RYR2: variants seen among roughly 807,000 people sequenced by gnomAD.
The protein encoded by RYR2 is cardiac muscle ryanodine receptor-calcium release channel.
In RYR2, 227 loss-of-function variants were observed where a neutral mutation model predicts 601.1. The observed-to-expected ratio is 0.38, with a 90% CI of 0.34 to 0.42. RYR2 has a LOEUF of 0.42. Among genes scored for constraint, RYR2 ranks in the 10% least tolerant of loss-of-function variants. The probability of loss-of-function intolerance (pLI) is 1.00; values close to 1 mark genes in which losing one functional copy is unlikely to be tolerated. For missense variants in RYR2, 4,646 were observed against 6,156.5 expected (o/e 0.75, Z 8.21); for synonymous variants, 2,223 against 2,175.1 (o/e 1.02, Z -0.61).
intron 14 of RYR2, among the ~76,000 whole-genome samples, chr1:237,452,083 GTGTGTGTGTGTGTGTGTGTGTGTA>G (rs1658223718): frequency 9.6e-6 from 1 of 104,212 alleles, no homozygotes; most frequent in African/African-American, 2.9e-5. Flanking sequence ...AATTTTGTGT[GTGTGTGTGTGTGTGTGTGTGTGTA>G]TGTGTGTGTA....
At chr1:237,783,191 A>ATGGG in intron 89 of RYR2, among the ~76,000 whole-genome samples, 1 of 151,102 alleles carries the variant, frequency 6.6e-6, no homozygotes, top group African/African-American at 2.4e-5. Context: ...TTAAGTCACA[A>ATGGG]TGGGCCCATT....
intron 1 of RYR2, among the ~76,000 whole-genome samples, chr1:237,102,504 A>G (rs1668226506): frequency 6.6e-6 from 1 of 152,182 alleles, no homozygotes; most frequent in South Asian, 2.1e-4. Flanking sequence ...TCAGGAAATA[A>G]ACACTCAGAT....
chr1:237,369,506 G>T, intron 5 of RYR2, 28 bp from the exon 6 acceptor site: 1 of 1,541,814 alleles, frequency 6.5e-7, no homozygotes, highest in Non-Finnish European at 8.8e-7. Context: ...TTTCTCTCTT[G>T]TTCTCCTTTT....
intron 101 of RYR2, among the ~76,000 whole-genome samples, chr1:237,823,430 T>C (rs7520327): frequency 0.26 from 39,737 of 151,844 alleles, 5,606 homozygotes; most frequent in East Asian, 0.6. Flanking sequence ...TGAATGACTA[T>C]TGGGTAAGTA....
At chr1:237,401,643 C>G (rs1306959882) in intron 10 of RYR2, among the ~76,000 whole-genome samples, 1 of 152,186 alleles carries the variant, frequency 6.6e-6, no homozygotes, top group Non-Finnish European at 1.5e-5. Flanking sequence ...AGGATGCTTC[C>G]TTGAGCTTCA....
chr1:237,305,926 A>T (rs1432330132), intron 2 of RYR2, among the ~76,000 whole-genome samples: 2 of 152,208 alleles, frequency 1.3e-5, no homozygotes, highest in African/African-American at 4.8e-5. Context: ...ATATTTTGGA[A>T]TATATGATAC....
At chr1:237,330,821 G>T in intron 2 of RYR2, 57 bp from the exon 3 acceptor site, 1 of 1,343,120 alleles carries the variant, frequency 7.4e-7, no homozygotes, top group Non-Finnish European at 1.1e-6. Flanking sequence ...AAGGTAAGCT[G>T]GGTCTGGATG....
chr1:237,126,367 C>A (rs1254064369), intron 1 of RYR2, among the ~76,000 whole-genome samples: 2 of 152,168 alleles, frequency 1.3e-5, no homozygotes, highest in African/African-American at 4.8e-5. Context: ...GGAGGTCATG[C>A]CAAACCTACC....
chr1:237,606,048 A>C (rs1197221357), intron 35 of RYR2, among the ~76,000 whole-genome samples: 1 of 151,382 alleles, frequency 6.6e-6, no homozygotes, highest in Non-Finnish European at 1.5e-5. Flanking sequence ...GACTTTCTTC[A>C]CAGAATTGGA....
At chr1:237,617,588 G>C in intron 38 of RYR2, 102 bp downstream of exon 38, 1 of 1,126,344 alleles carries the variant, frequency 8.9e-7, no homozygotes, top group South Asian at 1.6e-5. Context: ...TGTTTTCCTT[G>C]TTCTGTTTAA....
intron 25 of RYR2, among the ~76,000 whole-genome samples, chr1:237,547,659 G>T (rs1168818379): frequency 6.6e-6 from 1 of 152,170 alleles, no homozygotes; most frequent in Non-Finnish European, 1.5e-5. Flanking sequence ...TGTCTGTGTG[G>T]AGCAGGGCAG....
At chr1:237,592,758 C>T (rs576687376) in intron 32 of RYR2, among the ~76,000 whole-genome samples, 11 of 151,702 alleles carry the variant, frequency 7.3e-5, no homozygotes, top group Admixed American at 1.3e-4. Flanking sequence ...CGGTGACTCG[C>T]GCCTGTAATC....
intron 27 of RYR2, among the ~76,000 whole-genome samples, chr1:237,564,636 C>T (rs1232254370): frequency 2.6e-5 from 4 of 152,100 alleles, no homozygotes; most frequent in African/African-American, 7.2e-5. Flanking sequence ...ATTTTTTTCT[C>T]TCAAAACAAC....
intron 6 of RYR2, among the ~76,000 whole-genome samples, chr1:237,374,237 G>A (rs1700853762): frequency 6.6e-6 from 1 of 151,978 alleles, no homozygotes; most frequent in African/African-American, 2.4e-5. Flanking sequence ...AAACCTTAAC[G>A]ATGGCTGGTC....
chr1:237,568,211 G>A (rs183219925), intron 28 of RYR2, among the ~76,000 whole-genome samples: 3 of 152,190 alleles, frequency 2.0e-5, no homozygotes, highest in Admixed American at 2.0e-4. Context: ...CAGGTAAGTC[G>A]GTTGGGCATT....
At chr1:237,821,526 A>C (rs116770263) in intron 101 of RYR2, among the ~76,000 whole-genome samples, 1 of 152,154 alleles carries the variant, frequency 6.6e-6, no homozygotes, top group African/African-American at 2.4e-5. Flanking sequence ...AAGGTCACCA[A>C]TATCAAAGAC....
chr1:237,156,826 T>G lies in RYR2; in HGVS notation c.49-113671T>G, dbSNP rs562721046. Among the ~76,000 whole-genome samples the G allele has an allele frequency of 4.4e-4, 67 of 152,248 alleles. 1 individual carries two copies. The South Asian group carries it at 0.014, about 31-fold the overall frequency. On this transcript the variant is annotated intron_variant, in intron 1 of 104. Transcript: ENST00000366574. ...ACTTGAACTCTGACCTTTGATTTCA[T>G]CCTGTATTAAATGGAAATACACCCC...
chr1:237,124,670 C>T (rs928411550), intron 1 of RYR2, among the ~76,000 whole-genome samples: 3 of 152,182 alleles, frequency 2.0e-5, no homozygotes, highest in Non-Finnish European at 4.4e-5. Flanking sequence ...TCCTATCACG[C>T]TGACCCACAA....
At chr1:237,048,771 G>A (rs1660897532) in intron 1 of RYR2, among the ~76,000 whole-genome samples, 1 of 152,114 alleles carries the variant, frequency 6.6e-6, no homozygotes, top group South Asian at 2.1e-4. Flanking sequence ...GTTGGGCATC[G>A]GTTTCCCATG....
Sources: gnomAD v4.1 joint callset for allele counts (sites outside exome capture counted in the v4.1 genomes callset) on GRCh38, gnomAD v4.1.1 for gene constraint, MANE v1.5 for transcripts, NCBI Gene and HGNC (gene_info 2026-07-23, HGNC 2026-07-21) for gene names.